SHOX: variants seen among roughly 807,000 people sequenced by gnomAD.
The protein encoded by SHOX is SHOX homeobox, also known as short stature homeobox protein.
SHOX carries 12 observed loss-of-function variants against 29.6 expected under a neutral mutation model. That is an observed-to-expected ratio of 0.41 (90% CI 0.26 to 0.66). The LOEUF (loss-of-function observed/expected upper bound fraction) is 0.66. Ranked by LOEUF, SHOX falls within the 30% of genes least tolerant of loss-of-function variation. The pLI is 0.35. For synonymous variants in SHOX, 214 were observed against 200.6 expected, an observed-to-expected ratio of 1.07 and a Z score of -0.57; for missense variants, 499 against 437.7, an observed-to-expected ratio of 1.14 and a Z score of -1.25.
At chrX:652,192 G>A (rs1017998752), downstream of SHOX, among the ~76,000 whole-genome samples, 3 of 152,088 alleles carry the variant, frequency 2.0e-5, no homozygotes, top group Non-Finnish European at 4.4e-5. Flanking sequence ...GGCCGGTGAT[G>A]TGTGTGCTTT....
At chrX:625,124 C>G (rs1045125083) in intron 1 of SHOX, among the ~76,000 whole-genome samples, 2 of 110,182 alleles carry the variant, frequency 1.8e-5, no homozygotes, top group African/African-American at 6.5e-5. Flanking sequence ...CTTTCTTTCT[C>G]TTTCTTTTTT....
At chrX:636,947 A>ATATATATATATATATATATAT (rs1569494124) in intron 2 of SHOX, among the ~76,000 whole-genome samples, 1 of 78,954 alleles carries the variant, frequency 1.3e-5, no homozygotes, top group African/African-American at 6.4e-5. Flanking sequence ...TTCATTTAAA[A>ATATATATATATATATATATAT]ATATATATAT....
At chrX:628,215 CCGTGTCGCTCTT>C, upstream of SHOX, among the ~76,000 whole-genome samples, 1 of 122,692 alleles carries the variant, frequency 8.2e-6, no homozygotes, top group Admixed American at 8.4e-5. Context: ...CTCTCCCTGT[CCGTGTCGCTCTT>C]TCTCTCTCTC....
chrX:641,687 CAAAA>C (rs35181650), intron 4 of SHOX, among the ~76,000 whole-genome samples: 13,870 of 123,620 alleles, frequency 0.11, 824 homozygotes, highest in South Asian at 0.19. Context: ...GACTCCATCT[CAAAA>C]AAAAAAAAAA....
In SHOX at chrX:649,755, G is replaced by C. The variant is rs1246576460; in HGVS notation, c.*5119G>C. 6.6e-6 allele frequency among the ~76,000 whole-genome samples: 1 copy of C among 152,106 alleles called. No individual in the cohort carries two copies. Among genetic ancestry groups the C allele is most frequent in the African/African-American group, 2.4e-5 (1 of 41,434 alleles). ...TTGCTGGCCGAACTGAACGATGCTG[G>C]GTTGGGTCCTGATTGATACGTATTT... On this transcript the variant is annotated 3_prime_UTR_variant, in exon 5 of 5. Coordinates refer to ENST00000686671, the MANE Select transcript of SHOX (RefSeq NM_000451.4).
rs73607257 is a variant in SHOX, at chrX:633,013, A to G, written c.278-1605A>G. 8.6e-3 allele frequency among the ~76,000 whole-genome samples: 1,303 copies of G among 152,276 alleles called. 22 individuals are homozygous for G. Among genetic ancestry groups the G allele is most frequent in the African/African-American group, 0.029 (1,225 of 41,534 alleles). On this transcript the variant is annotated intron_variant, in intron 1 of 4. Coordinates refer to ENST00000686671, the MANE Select transcript of SHOX (RefSeq NM_000451.4). ...CAGACCTTTCGAAAGTGAGAGGAAA[A>G]TAAAGACCAGGCCAAAGACCCAGGG...
chrX:638,610 T>G (rs1225647538), intron 2 of SHOX, among the ~76,000 whole-genome samples: 1 of 152,112 alleles, frequency 6.6e-6, no homozygotes, highest in Non-Finnish European at 1.5e-5. Context: ...AGGACCCACT[T>G]TGGAAATGAA....
chrX:625,004 C>T (rs988909789), intron 1 of SHOX, among the ~76,000 whole-genome samples: 7 of 148,730 alleles, frequency 4.7e-5, no homozygotes, highest in Non-Finnish European at 8.9e-5. Context: ...TTCCTTCCTT[C>T]CCTCCTTCCT....
At chrX:630,732 C>A, upstream of SHOX, 1 of 833,332 alleles carries the variant, frequency 1.2e-6, no homozygotes, top group Non-Finnish European at 1.9e-6. Flanking sequence ...AGACAGGCAG[C>A]GCATGGGGGG....
chrX:654,032 A>G (rs183412638), downstream of SHOX, among the ~76,000 whole-genome samples: 2 of 152,322 alleles, frequency 1.3e-5, no homozygotes, highest in Admixed American at 6.5e-5. Context: ...CCCAAAACAG[A>G]CGTATTTTAA....
chrX:640,685 TG>T, intron 2 of SHOX, 135 bp from the exon 3 acceptor site: 1 of 898,974 alleles, frequency 1.1e-6, no homozygotes, highest in Non-Finnish European at 1.9e-6. Flanking sequence ...GGTAAGTGTC[TG>T]GGCGCCCACC....
chrX:646,795 TAAAA>T lies in SHOX; in HGVS notation c.*2168_*2171del, dbSNP rs993354509. ...TCCATTTTTCTTAAAAGCTGGAAAT[TAAAA>T]AAAAAAAAGAGAGAGAGAGGCTTTA... is the stretch of plus-strand genomic sequence containing the variant. On this transcript the variant is annotated 3_prime_UTR_variant, in exon 5 of 5. Transcript: ENST00000686671. The T allele has an allele frequency of 1.4e-5, 2 of 147,160 alleles. No homozygotes were observed. The highest frequency in any genetic ancestry group is 1.3e-4 in the Admixed American group (2 of 14,850). The allele number at this position is 147,160 out of a possible 1,614,324, so 9.1% of individuals were successfully genotyped here.
chrX:631,206 G>C (rs183677311), intron 1 of SHOX, 32 bp downstream of exon 1: 2 of 1,611,488 alleles, frequency 1.2e-6, no homozygotes, highest in Admixed American at 1.7e-5. Flanking sequence ...CTCCAGGGGG[G>C]CCCTCCTGGG....
At chrX:653,108 G>C (rs1458940811), downstream of SHOX, among the ~76,000 whole-genome samples, 2 of 152,142 alleles carry the variant, frequency 1.3e-5, no homozygotes, top group Admixed American at 6.5e-5. Context: ...GGGCGTGGTG[G>C]TGTGTATCTG....
At chrX:656,758 C>G (rs1177011026) in intron 5 of SHOX, among the ~76,000 whole-genome samples, 2 of 151,752 alleles carry the variant, frequency 1.3e-5, no homozygotes. Flanking sequence ...CAGGAGAATG[C>G]CGTGAGCCTG....
intron 5 of SHOX, among the ~76,000 whole-genome samples, chrX:658,523 T>C (rs906431237): frequency 6.7e-6 from 1 of 148,918 alleles, no homozygotes; most frequent in Non-Finnish European, 1.5e-5. Context: ...CAGGCTGGAG[T>C]GCAGTGGCAC....
In SHOX at chrX:651,434, A is replaced by G. The variant is rs1482897698; in HGVS notation, c.*6798A>G. The G allele has an allele frequency of 4.4e-6, 2 of 453,186 alleles. No individual in the cohort carries two copies. Among genetic ancestry groups the G allele is most frequent in the Admixed American group, 4.8e-5 (2 of 42,070 alleles). The allele number at this position is 453,186 out of a possible 1,614,324, so 28.1% of individuals were successfully genotyped here. On this transcript the variant is annotated 3_prime_UTR_variant, in exon 5 of 5. Transcript: ENST00000686671. ...ACAGAAAAAAAAACCAAAAAAAACC[A>G]CCCTGAGTTTCTCTGGTGACGCCCT... is the stretch of plus-strand genomic sequence containing the variant.
At chrX:627,652 C>T (rs773901076), upstream of SHOX, among the ~76,000 whole-genome samples, 6 of 149,224 alleles carry the variant, frequency 4.0e-5, no homozygotes, top group East Asian at 3.9e-4. Flanking sequence ...TTCTCCGAGG[C>T]CGAGGGGCCT....
chrX:635,849 G>T (rs1233769758), intron 2 of SHOX, among the ~76,000 whole-genome samples: 1 of 100,522 alleles, frequency 9.9e-6, no homozygotes, highest in Non-Finnish European at 2.0e-5. Flanking sequence ...GGACAGAAGT[G>T]GGGGGAGGGA....
Sources: gnomAD v4.1 joint callset for allele counts (sites outside exome capture counted in the v4.1 genomes callset) on GRCh38, gnomAD v4.1.1 for gene constraint, MANE v1.5 for transcripts, NCBI Gene and HGNC (gene_info 2026-07-23, HGNC 2026-07-21) for gene names.